The following ATR variants were observed in gnomAD, a reference collection of about 807,000 sequenced individuals.
ATR encodes the protein ATR checkpoint kinase, also known as serine/threonine-protein kinase ATR.
Under a neutral mutation model 305.3 loss-of-function variants are expected in ATR, and 142 were observed. The ratio of observed to expected loss-of-function variants is 0.47; its 90% CI spans 0.41 to 0.53. ATR has a LOEUF of 0.53. Among genes scored for constraint, ATR ranks in the 20% least tolerant of loss-of-function variants. ATR has a pLI of 0.00. For missense variants in ATR, 2,135 were observed against 3,133.1 expected (o/e 0.68, Z 7.60); for synonymous variants, 1,050 against 1,068.1 (o/e 0.98, Z 0.33).
Position 142,470,199 on chromosome 3 carries a change from C to A in ATR, c.6222-16G>T, listed in dbSNP as rs1250506318. On this transcript the variant is annotated splice_polypyrimidine_tract_variant and intron_variant, in intron 36 of 46. Transcript: ENST00000350721. ...TTGTAGAGATCTGCAATTATATAGA[C>A]AAGAAACACTATTAGCATAGCTGTC... 2.6e-6 allele frequency: 4 copies of A among 1,540,304 alleles called. No homozygotes were observed. The African/African-American group carries it at 4.1e-5, about 16-fold the overall frequency.
chr3:142,498,122 T>C (rs1248433467), intron 32 of ATR, among the ~76,000 whole-genome samples: 1 of 152,202 alleles, frequency 6.6e-6, no homozygotes, highest in Non-Finnish European at 1.5e-5. Flanking sequence ...AGTTTATCAT[T>C]TTTCCTCAGG....
At position 142,558,581 on chromosome 3, in the gene ATR, G is replaced by A. The variant is rs756154866; in HGVS notation, c.1885+43C>T. On this transcript the variant is annotated intron_variant, in intron 8 of 46. Transcript: ENST00000350721. Reference sequence around the variant, plus strand: ...AAATAGATAGATAGATAGATAGATAGATAAATAAAACAAACCACACACACA... The same window carrying A: ...AAATAGATAGATAGATAGATAGATAAATAAATAAAACAAACCACACACACA... The A allele has an allele frequency of 1.2e-5, 18 of 1,507,364 alleles. No homozygotes were observed. The Admixed American group carries it at 2.1e-4, about 17-fold the overall frequency. 93.4% of individuals were successfully genotyped at this position (1,507,364 alleles called of 1,614,324 possible).
intron 34 of ATR, among the ~76,000 whole-genome samples, chr3:142,494,259 G>A (rs1338946539): frequency 6.6e-6 from 1 of 152,136 alleles, no homozygotes; most frequent in African/African-American, 2.4e-5. Context: ...CACAGATTTT[G>A]TTATCCATAG....
intron 21 of ATR, among the ~76,000 whole-genome samples, 174 bp downstream of exon 21, chr3:142,534,906 C>G (rs1340585166): frequency 6.6e-6 from 1 of 152,258 alleles, no homozygotes; most frequent in East Asian, 1.9e-4. Context: ...CCCTAAGATT[C>G]AAGCTCAAAG....
At position 142,568,155 on chromosome 3, in the gene ATR, C is replaced by A; in HGVS notation, c.60-1G>T. On this transcript the variant is annotated splice_acceptor_variant, in intron 1 of 46. Transcript: ENST00000350721. LOFTEE classifies it high-confidence loss of function. ...TGTATTATATTCCTCTGGTGTGGCACTAAAATACAAATTAAAAGCTTTTAA... is the reference window on the plus strand; with the variant it reads ...TGTATTATATTCCTCTGGTGTGGCAATAAAATACAAATTAAAAGCTTTTAA... 6.2e-7 allele frequency: 1 copy of A among 1,608,954 alleles called. No individual in the cohort carries two copies. Among genetic ancestry groups the A allele is most frequent in the Non-Finnish European group, 8.5e-7 (1 of 1,175,884 alleles).
chr3:142,502,929 A>G (rs1001363362), intron 30 of ATR, among the ~76,000 whole-genome samples: 2 of 152,218 alleles, frequency 1.3e-5, no homozygotes, highest in African/African-American at 4.8e-5. Flanking sequence ...CACCTTCTTT[A>G]GGAAAGGAAG....
In ATR at chr3:142,538,594, G is replaced by A. The variant is rs2108432816; in HGVS notation, c.3613C>T (p.His1205Tyr). 6.2e-7 allele frequency: 1 copy of A among 1,613,476 alleles called. No homozygotes were observed. Among genetic ancestry groups the A allele is most frequent in the Non-Finnish European group, 8.5e-7 (1 of 1,179,608 alleles). ...CTGAGAAGGGAGCCCAGACAAGCAT[G>A]ATCCAGGCAGCGAACAAAGCAGTCC... ...AWDCFVRCLDHACLGSLLSHV... is the reference protein window; with the variant it reads ...AWDCFVRCLDYACLGSLLSHV... The change falls in exon 19 of 47, where the codon CAT becomes TAT. Residue 1205 changes from histidine to tyrosine, a missense_variant. Transcript: ENST00000350721.
intron 46 of ATR, chr3:142,452,782 G>C: frequency 8.9e-7 from 1 of 1,120,528 alleles, no homozygotes; most frequent in Non-Finnish European, 1.1e-6. Context: ...AACATAGCTT[G>C]TGACATACTG....
rs78720611 is a variant in ATR at position 142,577,670 on chromosome 3, A to G, written c.59+976T>C. On this transcript the variant is annotated intron_variant, in intron 1 of 46. Transcript: ENST00000350721. ...GAGAAGTAGCTATCCCATTGGCTTA[A>G]TGTCAGCTTTGACTTTGTGTGGAAA... is the stretch of plus-strand genomic sequence containing the variant. Among the ~76,000 whole-genome samples, 1,022 of 152,358 alleles carry G rather than the reference A, an allele frequency of 6.7e-3. 15 individuals carry two copies. Among genetic ancestry groups the G allele is most frequent in the African/African-American group, 0.023 (966 of 41,570 alleles).
At chr3:142,500,932 G>T (rs966637428) in intron 30 of ATR, among the ~76,000 whole-genome samples, 2 of 152,116 alleles carry the variant, frequency 1.3e-5, no homozygotes, top group Non-Finnish European at 2.9e-5. Context: ...TAACAAAGGG[G>T]ATGTGTCACA....
intron 36 of ATR, among the ~76,000 whole-genome samples, chr3:142,472,837 A>T (rs1333699717): frequency 6.6e-6 from 1 of 151,956 alleles, no homozygotes; most frequent in African/African-American, 2.4e-5. Context: ...TGGGGGTTTC[A>T]CCATGTTGCC....
Position 142,459,475 on chromosome 3 carries a change from T to C in ATR, c.7193-92A>G. On this transcript the variant is annotated intron_variant, in intron 42 of 46. Transcript: ENST00000350721. ...TTAAAATTGGACAAGAAACATCTAC[T>C]TTTATTCAAATTGTTATTGAAAAAC... 3 of 1,382,230 alleles carry C rather than the reference T, an allele frequency of 2.2e-6. No homozygotes were observed. In the South Asian group the frequency reaches 3.7e-5, roughly 17 times the overall value. The allele number at this position is 1,382,230 out of a possible 1,614,324, so 85.6% of individuals were successfully genotyped here.
chr3:142,452,698 CACA>C lies in ATR; in HGVS notation c.7761+427_7761+429del, dbSNP rs932396206. The C allele has an allele frequency of 1.3e-4, 136 of 1,037,856 alleles. No homozygotes were observed. The Admixed American group carries it at 2.3e-3, about 17-fold the overall frequency. 64.3% of individuals were successfully genotyped at this position (1,037,856 alleles called of 1,614,324 possible). A position where few individuals can be genotyped will look rare whatever the true frequency, so the allele number is the denominator to read the frequency against. On this transcript the variant is annotated intron_variant, in intron 46 of 46. Coordinates refer to ENST00000350721, the MANE Select transcript of ATR (RefSeq NM_001184.4). ...CAAAAACAACAACCACCACCACCAC[CACA>C]ACAACAACAACAAAACTATCTGCAA...
Position 142,558,500 on chromosome 3 carries a change from C to T in ATR, c.1885+124G>A, listed in dbSNP as rs574833654. 1.9e-4 allele frequency: 169 copies of T among 881,488 alleles called. 1 individual carries two copies. The highest frequency in any genetic ancestry group is 4.6e-4 in the Middle Eastern group (1 of 2,170). 54.6% of individuals were successfully genotyped at this position (881,488 alleles called of 1,614,324 possible). Reference sequence around the variant, plus strand: ...TTGCGCCACTGCACTCCAGCATGGGCGACAGAGTAAGACTCCGTCTCAAAA... The same window carrying T: ...TTGCGCCACTGCACTCCAGCATGGGTGACAGAGTAAGACTCCGTCTCAAAA... On this transcript the variant is annotated intron_variant, in intron 8 of 46. Transcript: ENST00000350721.
intron 27 of ATR, among the ~76,000 whole-genome samples, chr3:142,509,461 G>A (rs1202659287): frequency 6.6e-6 from 1 of 151,402 alleles, no homozygotes; most frequent in East Asian, 1.9e-4. Context: ...ACCACACCTA[G>A]CCTAAGGTAG....
chr3:142,505,468 C>T (rs1466887694), intron 28 of ATR, among the ~76,000 whole-genome samples, 165 bp from the exon 29 acceptor site: 2 of 152,080 alleles, frequency 1.3e-5, no homozygotes, highest in Admixed American at 6.6e-5. Context: ...AAATTATAAA[C>T]TTATTTCCAG....
chr3:142,470,221 T>C (rs1367552922), intron 36 of ATR, 38 bp from the exon 37 acceptor site: 3 of 1,465,762 alleles, frequency 2.0e-6, no homozygotes, highest in Non-Finnish European at 1.9e-6. Flanking sequence ...TTAGCATAGC[T>C]GTCATTTTTA....
In ATR at chr3:142,562,562, A is replaced by G. The variant is rs1302554866; in HGVS notation, c.840T>C (p.Leu280=). The change falls in exon 4 of 47, where the codon CTT becomes CTC. Residue 280 remains leucine (L), a synonymous_variant. Coordinates refer to ENST00000350721, the MANE Select transcript of ATR (RefSeq NM_001184.4). ...TCAATTGGTCAGTATCCATTTCTAC[A>G]AGGTGTTTTAATAATTCCAAAAATG... ...FSSFLELLKH[L]VEMDTDQLKL... is the part of the protein sequence containing the mutation. 1.9e-6 allele frequency: 3 copies of G among 1,613,916 alleles called. No homozygotes were observed. The South Asian group carries it at 3.3e-5, about 18-fold the overall frequency.
At position 142,556,447 on chromosome 3, in the gene ATR, C is replaced by T. The variant is rs776097028; in HGVS notation, c.2014G>A (p.Val672Ile). ...SSHEVIRASC[V>I]SGFFILLQQQ... is the part of the protein sequence containing the mutation. Reference sequence around the variant, plus strand: ...TGCAATAAGATAAAAAATCCACTAACACAACTAGCCCGGATTACTTCATGG... The same window carrying T: ...TGCAATAAGATAAAAAATCCACTAATACAACTAGCCCGGATTACTTCATGG... Residue 672 changes from valine to isoleucine, a missense_variant, in exon 9 of 47, where the codon GTT becomes ATT. Physicochemically the swap from Val to Ile is conservative, Grantham distance 29 (BLOSUM62 3). This residue lies in a region of ATR where 744 missense variants were observed against 873.2 expected (regional missense o/e 0.85). Transcript: ENST00000350721. 79 of 1,613,992 alleles carry T rather than the reference C, an allele frequency of 4.9e-5. 3 individuals carry two copies. The highest frequency in any genetic ancestry group is 1.2e-4 in the South Asian group (11 of 91,094).
Sources: gnomAD v4.1 joint callset for allele counts (sites outside exome capture counted in the v4.1 genomes callset) on GRCh38, gnomAD v4.1.1 for gene constraint, gnomAD v4.1.1 regional missense constraint, MANE v1.5 for transcripts, NCBI Gene and HGNC (gene_info 2026-07-23, HGNC 2026-07-21) for gene names.